The following EPHA10 variants were observed in gnomAD, a reference collection of about 807,000 sequenced individuals.
EPHA10 encodes the protein ephrin type-A receptor 10.
In EPHA10, 120 loss-of-function variants were observed where a neutral mutation model predicts 109.7. That is an observed-to-expected ratio of 1.09 (90% CI 0.94 to 1.27). EPHA10 has a LOEUF of 1.27. Among genes scored for constraint, EPHA10 ranks in the 50% most tolerant of loss-of-function variants. The pLI is 0.00. For synonymous variants in EPHA10, 640 were observed against 618.9 expected (o/e 1.03, Z -0.51); for missense variants, 1,396 against 1,411.1 (o/e 0.99, Z 0.17).
At chr1:37,748,719 T>C (rs767138103) in intron 5 of EPHA10, among the ~76,000 whole-genome samples, 4 of 152,086 alleles carry the variant, frequency 2.6e-5, no homozygotes, top group Admixed American at 6.6e-5. Flanking sequence ...GAATTCATCA[T>C]ACCGACAGGT....
intron 5 of EPHA10, among the ~76,000 whole-genome samples, chr1:37,737,659 A>G (rs1400479631): frequency 1.3e-5 from 2 of 152,238 alleles, no homozygotes; most frequent in African/African-American, 2.4e-5. Context: ...TAAAACTCCT[A>G]GAAGAAAACA....
Position 37,716,677 on chromosome 1 carries a change from G to A in EPHA10, c.*1695C>T, listed in dbSNP as rs997195309. The stretch of plus-strand genomic sequence containing the variant: ...CTGCAAAGAGGCACTGCACCTTCCC[G>A]CCTCTGGGCTCTTTCTCATGCTAGC... On this transcript the variant is annotated 3_prime_UTR_variant, in exon 17 of 17. Transcript: ENST00000373048. The A allele has an allele frequency of 1.3e-5, 3 of 232,548 alleles. No individual in the cohort carries two copies. Among genetic ancestry groups the A allele is most frequent in the Non-Finnish European group, 2.5e-5 (3 of 117,712 alleles). The allele number at this position is 232,548 out of a possible 1,614,324, so 14.4% of individuals were successfully genotyped here. A position where few individuals can be genotyped will look rare whatever the true frequency, so the allele number is the denominator to read the frequency against.
At chr1:37,762,107 G>A (rs781467869) in intron 2 of EPHA10, 24 bp from the exon 3 acceptor site, 1 of 1,549,076 alleles carries the variant, frequency 6.5e-7, no homozygotes, top group South Asian at 1.2e-5. Flanking sequence ...TAAAGGGGTG[G>A]GCAGCCCAGA....
intron 10 of EPHA10, 193 bp from the exon 11 acceptor site, chr1:37,722,038 G>A: frequency 3.8e-6 from 2 of 524,624 alleles, no homozygotes; most frequent in Middle Eastern, 2.9e-4. Flanking sequence ...AGCTGAGGCA[G>A]GAAAATCACT....
At position 37,761,479 on chromosome 1, in the gene EPHA10, T is replaced by C. The variant is rs1301336645; in HGVS notation, c.776A>G (p.Asp259Gly). 1.2e-6 allele frequency: 2 copies of C among 1,600,282 alleles called. No individual in the cohort carries two copies. Among genetic ancestry groups the C allele is most frequent in the Middle Eastern group, 3.3e-4 (2 of 6,048 alleles). ...GCCCACAGGCACCAGCCACTCGCCG[T>C]CGGCGCCGCAGTGCATGCGTGGGGG... ...GSPPRMHCGA[D>G]GEWLVPVGRC... The change falls in exon 3 of 17, where the codon GAC (aspartate) becomes GGC (glycine). Residue 259 changes from aspartate (D) to glycine (G), a missense_variant. Asp to Gly is a moderately conservative substitution (Grantham distance 94). Transcript: ENST00000373048.
Position 37,762,865 on chromosome 1 carries a change from G to C in EPHA10, c.107-16C>G, listed in dbSNP as rs1459438427. 2.6e-6 allele frequency: 4 copies of C among 1,548,752 alleles called. No individual in the cohort carries two copies. Among genetic ancestry groups the C allele is most frequent in the Non-Finnish European group, 3.5e-6 (4 of 1,145,586 alleles). ...AGGAGGATAACTAAGGAGAGGGGAA[G>C]ACAGAAATATCAGAAATCGAGAAGG... On this transcript the variant is annotated splice_polypyrimidine_tract_variant and intron_variant, in intron 1 of 16. Transcript: ENST00000373048.
At chr1:37,762,638 C>A in intron 2 of EPHA10, 147 bp downstream of exon 2, 3 of 453,108 alleles carry the variant, frequency 6.6e-6, no homozygotes, top group Non-Finnish European at 1.1e-5. Flanking sequence ...TGTTTTCTAA[C>A]AGGCCACTCT....
intron 5 of EPHA10, among the ~76,000 whole-genome samples, chr1:37,750,156 A>C (rs1035274283): frequency 2.2e-5 from 3 of 135,102 alleles, no homozygotes; most frequent in African/African-American, 8.1e-5. Flanking sequence ...CTATGTAATA[A>C]GATTATGGGT....
chr1:37,742,729 TAATCCCA>T (rs1313640794), intron 5 of EPHA10, among the ~76,000 whole-genome samples: 7 of 151,872 alleles, frequency 4.6e-5, no homozygotes, highest in African/African-American at 7.3e-5. Context: ...CTCATGCCTA[TAATCCCA>T]GAGCTTTGAG....
At chr1:37,749,226 T>C (rs1646286435) in intron 5 of EPHA10, among the ~76,000 whole-genome samples, 2 of 150,676 alleles carry the variant, frequency 1.3e-5, no homozygotes, top group Admixed American at 6.6e-5. Context: ...CCCAGCCCCG[T>C]TTCAATGAAT....
chr1:37,752,759 G>A (rs571090782), intron 5 of EPHA10, 117 bp downstream of exon 5: 4 of 614,604 alleles, frequency 6.5e-6, no homozygotes, highest in Non-Finnish European at 8.7e-6. Flanking sequence ...CGTGTACAGA[G>A]GATGGCTTCT....
chr1:37,719,681 C>CACACACACAGACACAG (rs1645755168), intron 14 of EPHA10, 74 bp from the exon 15 acceptor site: 8 of 1,527,240 alleles, frequency 5.2e-6, no homozygotes, highest in Non-Finnish European at 5.4e-6. Context: ...CACACACATG[C>CACACACACAGACACAG]ACACACACAG....
At chr1:37,757,571 T>G (rs1646400095) in intron 3 of EPHA10, among the ~76,000 whole-genome samples, 1 of 152,160 alleles carries the variant, frequency 6.6e-6, no homozygotes, top group Non-Finnish European at 1.5e-5. Flanking sequence ...TTCCTTGGCA[T>G]TGTCCCCAGC....
Position 37,743,235 on chromosome 1 carries a change from G to A in EPHA10, c.1358-7845C>T, listed in dbSNP as rs1646182335. Among the ~76,000 whole-genome samples, 5 of 152,042 alleles carry A rather than the reference G, an allele frequency of 3.3e-5. No homozygotes were observed. In the South Asian group the frequency reaches 1.0e-3, roughly 32 times the overall value. On this transcript the variant is annotated intron_variant, in intron 5 of 16. Coordinates refer to ENST00000373048, the MANE Select transcript of EPHA10 (RefSeq NM_001099439.2). ...TAGGAACATTATTCTGAAGACTCAG[G>A]AGAAGTAGATCTTGAAAAGTGATTT...
intron 6 of EPHA10, among the ~76,000 whole-genome samples, chr1:37,735,002 C>G (rs1279695260): frequency 6.6e-6 from 1 of 152,120 alleles, no homozygotes; most frequent in Non-Finnish European, 1.5e-5. Context: ...AGAGAAAGCT[C>G]TTTGTCAACC....
intron 5 of EPHA10, among the ~76,000 whole-genome samples, chr1:37,737,064 C>A (rs946918639): frequency 2.0e-5 from 3 of 152,062 alleles, no homozygotes; most frequent in Admixed American, 1.3e-4. Flanking sequence ...TATCAAAATC[C>A]CAGGCATTTT....
Position 37,754,828 on chromosome 1 carries a change from CCTT to C in EPHA10, c.851-461_851-459del, listed in dbSNP as rs1477895630. Among the ~76,000 whole-genome samples, 3 of 151,980 alleles carry C rather than the reference CCTT, an allele frequency of 2.0e-5. No homozygotes were observed. Among genetic ancestry groups the C allele is most frequent in the African/African-American group, 4.8e-5 (2 of 41,376 alleles). On this transcript the variant is annotated intron_variant, in intron 3 of 16. Coordinates refer to ENST00000373048, the MANE Select transcript of EPHA10 (RefSeq NM_001099439.2). This position sits in a 1 kb window ranked among gnomAD's most constrained non-coding sequence, Gnocchi z 4.5. ...TTTTTTCTTTTTTCTTTTCGAGTCT[CCTT>C]CTATCACCCAGGCTGGAGTGCAGTG...
At position 37,719,467 on chromosome 1, in the gene EPHA10, G is replaced by T. The variant is rs766755359; in HGVS notation, c.2703C>A (p.Ser901Arg). ...PRFSQIHSIL[S>R]KMVQDPEPPK... Reference sequence around the variant, plus strand: ...GGGGCTCTGGGTCCTGCACCATCTTGCTCAGGATGCTGTGGATCTGGGAGA... The same window carrying T: ...GGGGCTCTGGGTCCTGCACCATCTTTCTCAGGATGCTGTGGATCTGGGAGA... Residue 901 changes from serine (S) to arginine (R), a missense_variant, in exon 15 of 17, where the codon AGC becomes AGA. By Grantham distance (110) the Ser-to-Arg change is moderately radical. Coordinates refer to ENST00000373048, the MANE Select transcript of EPHA10 (RefSeq NM_001099439.2). The T allele has an allele frequency of 3.7e-6, 6 of 1,613,858 alleles. No individual in the cohort carries two copies. In the African/African-American group the frequency reaches 4.0e-5, roughly 11 times the overall value.
intron 6 of EPHA10, among the ~76,000 whole-genome samples, chr1:37,733,361 A>T (rs1357744478): frequency 6.6e-6 from 1 of 152,038 alleles, no homozygotes; most frequent in Non-Finnish European, 1.5e-5. Context: ...TGCTGGGACC[A>T]CAGGCGCACA....
Sources: gnomAD v4.1 joint callset for allele counts (sites outside exome capture counted in the v4.1 genomes callset) on GRCh38, gnomAD v4.1.1 for gene constraint, Gnocchi (gnomAD v3.1) non-coding constraint, MANE v1.5 for transcripts, NCBI Gene and HGNC (gene_info 2026-07-23, HGNC 2026-07-21) for gene names.